Variants in PARL observed in about 807,000 individuals in gnomAD.
PARL encodes the protein presenilin associated rhomboid like.
Under a neutral mutation model 51.6 loss-of-function variants are expected in PARL, and 44 were observed. That is an observed-to-expected ratio of 0.85 (90% confidence interval 0.67 to 1.10). PARL has a LOEUF of 1.10. Among genes scored for constraint, PARL ranks in the 50% least tolerant of loss-of-function variants. The pLI is 0.00. For synonymous variants in PARL, 172 were observed against 164.0 expected, an observed-to-expected ratio of 1.05 and a Z score of -0.37; for missense variants, 441 against 469.5, an observed-to-expected ratio of 0.94 and a Z score of 0.56.
At chr3:183,832,737 A>G (rs1728101417) in intron 9 of PARL, among the ~76,000 whole-genome samples, 1 of 152,142 alleles carries the variant, frequency 6.6e-6, no homozygotes, top group Non-Finnish European at 1.5e-5. Flanking sequence ...AGTCTAGGCA[A>G]AACCCCATTG....
intron 4 of PARL, among the ~76,000 whole-genome samples, chr3:183,849,252 T>C (rs529692368): frequency 3.9e-5 from 6 of 152,272 alleles, no homozygotes; most frequent in South Asian, 2.1e-4. Context: ...CAAGTGCACA[T>C]GCAGCACATT....
At chr3:183,879,328 T>C (rs1349503470) in intron 1 of PARL, among the ~76,000 whole-genome samples, 2 of 152,208 alleles carry the variant, frequency 1.3e-5, no homozygotes, top group Admixed American at 1.3e-4. Context: ...GAAATTCAAT[T>C]TCAAGATTTT....
intron 1 of PARL, among the ~76,000 whole-genome samples, chr3:183,869,094 A>G (rs1732872100): frequency 6.6e-6 from 1 of 152,170 alleles, no homozygotes; most frequent in Non-Finnish European, 1.5e-5. Flanking sequence ...TACCCCATTC[A>G]AACTCAACCC....
At chr3:183,840,679 A>G in intron 6 of PARL, 39 bp from the exon 7 acceptor site, 1 of 988,330 alleles carries the variant, frequency 1.0e-6, no homozygotes, top group Non-Finnish European at 1.6e-6. Flanking sequence ...TAAGTGAGGT[A>G]TAAAAATGGT....
intron 1 of PARL, among the ~76,000 whole-genome samples, chr3:183,874,628 C>T (rs1470534284): frequency 1.3e-5 from 2 of 152,030 alleles, no homozygotes; most frequent in Non-Finnish European, 2.9e-5. Context: ...AGGCTGGTCT[C>T]GAACTCAAAC....
chr3:183,872,569 A>G (rs999969742), intron 1 of PARL, among the ~76,000 whole-genome samples: 1 of 152,200 alleles, frequency 6.6e-6, no homozygotes, highest in Admixed American at 6.5e-5. Context: ...TACCAGTCTT[A>G]TAACGAATAT....
chr3:183,827,028 G>A (rs1269716925), downstream of PARL, among the ~76,000 whole-genome samples: 3 of 152,112 alleles, frequency 2.0e-5, no homozygotes, highest in African/African-American at 7.2e-5. Flanking sequence ...GCAGGCTGGG[G>A]AAAGCTGGAC....
intron 7 of PARL, among the ~76,000 whole-genome samples, chr3:183,835,085 A>C (rs1213382327): frequency 6.6e-6 from 1 of 151,622 alleles, no homozygotes. Flanking sequence ...AACAAACAAA[A>C]AAGACTTTAT....
At chr3:183,833,168 G>C (rs1350432504) in intron 9 of PARL, among the ~76,000 whole-genome samples, 1 of 152,128 alleles carries the variant, frequency 6.6e-6, no homozygotes, top group African/African-American at 2.4e-5. Flanking sequence ...AAGTCTGAAG[G>C]GGAAAAAGAA....
intron 1 of PARL, among the ~76,000 whole-genome samples, chr3:183,878,225 G>A (rs909719271): frequency 1.3e-5 from 2 of 152,070 alleles, no homozygotes; most frequent in Non-Finnish European, 2.9e-5. Context: ...AGTCTAGCGG[G>A]GGCTTCTACC....
At chr3:183,839,214 G>A (rs908576170) in intron 7 of PARL, among the ~76,000 whole-genome samples, 4 of 152,124 alleles carry the variant, frequency 2.6e-5, no homozygotes, top group African/African-American at 9.7e-5. Flanking sequence ...TTAGGGAATG[G>A]TTATTTTACA....
intron 7 of PARL, among the ~76,000 whole-genome samples, chr3:183,835,444 C>CA (rs888035782): frequency 6.6e-6 from 1 of 152,126 alleles, no homozygotes; most frequent in African/African-American, 2.4e-5. Context: ...GTGGCCTCAA[C>CA]AGGGAAACAA....
chr3:183,867,191 A>G (rs1479953042), intron 2 of PARL, among the ~76,000 whole-genome samples: 3 of 152,078 alleles, frequency 2.0e-5, no homozygotes, highest in African/African-American at 7.2e-5. Flanking sequence ...GATTACAGGC[A>G]TGAGCCACTG....
chr3:183,866,207 C>A (rs1403058600), intron 3 of PARL, among the ~76,000 whole-genome samples: 1 of 152,162 alleles, frequency 6.6e-6, no homozygotes, highest in African/African-American at 2.4e-5. Flanking sequence ...ATTTTTGATG[C>A]ATGTGGGTAG....
intron 4 of PARL, chr3:183,856,670 C>CAAAG (rs898351956): frequency 6.6e-6 from 1 of 152,220 alleles, no homozygotes; most frequent in African/African-American, 2.4e-5. Context: ...ATGAGGGAGG[C>CAAAG]AAAGGCCCTT....
rs140419737 is a variant in PARL, at chr3:183,866,635, A to C, written c.452T>G (p.Phe151Cys). ...AGTGTTTATCTTTACCTCCTTTCTG[A>C]AGTCTCCTTCTTTTTGTGGTCTTAT... ...DSIRPQKEGDFRKEINKWWNN... is the reference protein window; with the variant it reads ...DSIRPQKEGDCRKEINKWWNN... Residue 151 changes from phenylalanine to cysteine, a missense_variant, in exon 3 of 10, where the codon TTC (phenylalanine) becomes TGC (cysteine). Transcript: ENST00000317096. 6.2e-7 allele frequency: 1 copy of C among 1,611,530 alleles called. No homozygotes were observed. The highest frequency in any genetic ancestry group is 8.5e-7 in the Non-Finnish European group (1 of 1,179,440).
chr3:183,835,024 A>G (rs1406040882), intron 7 of PARL, among the ~76,000 whole-genome samples: 1 of 151,980 alleles, frequency 6.6e-6, no homozygotes, highest in Non-Finnish European at 1.5e-5. Flanking sequence ...GTCCCACTGC[A>G]CTCCAGCCTG....
chr3:183,874,729 T>C (rs973176603), intron 1 of PARL, among the ~76,000 whole-genome samples: 2 of 152,186 alleles, frequency 1.3e-5, no homozygotes, highest in Admixed American at 6.5e-5. Flanking sequence ...AAAGCTGAGA[T>C]AGGCCAGGAG....
chr3:183,836,294 CATCTGTTAAAAAAA>C (rs1156913009), intron 7 of PARL, among the ~76,000 whole-genome samples: 16 of 150,068 alleles, frequency 1.1e-4, no homozygotes, highest in Non-Finnish European at 1.9e-4. Context: ...GATTATTCTC[CATCTGTTAAAAAAA>C]ATTGTCGTTA....
Sources: gnomAD v4.1 joint callset for allele counts (sites outside exome capture counted in the v4.1 genomes callset) on GRCh38, gnomAD v4.1.1 for gene constraint, MANE v1.5 for transcripts, NCBI Gene and HGNC (gene_info 2026-07-23, HGNC 2026-07-21) for gene names.